Variants in CSMD3 observed in about 807,000 individuals in gnomAD.
CSMD3 encodes CUB and Sushi multiple domains 3.
Under a neutral mutation model 435.2 loss-of-function variants are expected in CSMD3, and 177 were observed. That is an observed-to-expected ratio of 0.41 (90% CI 0.36 to 0.46). The LOEUF (loss-of-function observed/expected upper bound fraction) is 0.46, where lower values mean the gene tolerates loss of function less well. CSMD3 is among the 20% of genes least tolerant of loss of function. The pLI is 0.34. For synonymous variants in CSMD3, 1,656 were observed against 1,520.5 expected (o/e 1.09, Z -2.07); for missense variants, 4,265 against 4,504.6 (o/e 0.95, Z 1.52).
intron 1 of CSMD3, among the ~76,000 whole-genome samples, chr8:113,337,089 T>C (rs2094081681): frequency 6.6e-6 from 1 of 152,154 alleles, no homozygotes; most frequent in Non-Finnish European, 1.5e-5. Context: ...CAGGCTGTTA[T>C]TGGTGCTTTT....
chr8:113,395,169 A>C (rs997756880), intron 1 of CSMD3, among the ~76,000 whole-genome samples: 4 of 152,210 alleles, frequency 2.6e-5, no homozygotes, highest in African/African-American at 9.6e-5. Context: ...TTAGCATTTT[A>C]AGAGACTAAC....
intron 3 of CSMD3, among the ~76,000 whole-genome samples, chr8:113,231,166 T>C (rs1424871180): frequency 6.6e-6 from 1 of 151,448 alleles, no homozygotes; most frequent in Non-Finnish European, 1.5e-5. Flanking sequence ...AAATTAGACT[T>C]GATCAGTATG....
At chr8:113,377,155 G>A in intron 1 of CSMD3, 3 of 1,248,186 alleles carry the variant, frequency 2.4e-6, no homozygotes, top group Non-Finnish European at 3.1e-6. Context: ...AGGGGTGTAC[G>A]CCCCGGAAAC....
intron 22 of CSMD3, among the ~76,000 whole-genome samples, chr8:112,599,693 A>G (rs1324285354): frequency 6.6e-6 from 1 of 151,656 alleles, no homozygotes; most frequent in African/African-American, 2.4e-5. Flanking sequence ...GCAGCCATAA[A>G]AAATGATGAG....
At chr8:112,875,049 C>T (rs1168711755) in intron 10 of CSMD3, among the ~76,000 whole-genome samples, 1 of 152,106 alleles carries the variant, frequency 6.6e-6, no homozygotes, top group Admixed American at 6.6e-5. Context: ...TTTGCAGTGG[C>T]TGGTACTGGT....
chr8:112,338,804 T>G (rs2130973821), intron 42 of CSMD3, among the ~76,000 whole-genome samples: 1 of 152,312 alleles, frequency 6.6e-6, no homozygotes. Flanking sequence ...GAAAGAGTTC[T>G]TATTCCAACT....
chr8:112,978,000 G>A (rs893741096), intron 6 of CSMD3, among the ~76,000 whole-genome samples: 1 of 151,964 alleles, frequency 6.6e-6, no homozygotes, highest in South Asian at 2.1e-4. Context: ...CATACATCAT[G>A]ATGAGCTCAT....
chr8:112,802,808 C>A (rs1228905041), intron 12 of CSMD3, among the ~76,000 whole-genome samples: 2 of 151,566 alleles, frequency 1.3e-5, no homozygotes, highest in African/African-American at 2.4e-5. Flanking sequence ...ATAGACCACT[C>A]TCTCCAAACT....
chr8:112,373,020 ATATT>A (rs1176563407), intron 38 of CSMD3, among the ~76,000 whole-genome samples: 6 of 108,390 alleles, frequency 5.5e-5, no homozygotes, highest in Non-Finnish European at 4.0e-5. Flanking sequence ...ATATATATAT[ATATT>A]TTTTTTCTCA....
rs1413607735 is a variant in CSMD3 at position 113,385,757 on chromosome 8, G to A, written c.178+50920C>T. Among the ~76,000 whole-genome samples, 3 of 152,176 alleles carry A rather than the reference G, an allele frequency of 2.0e-5. No homozygotes were observed. In the East Asian group the frequency reaches 5.8e-4, roughly 29 times the overall value. ...AGATAAAATACCCAAGGTGGTACTT[G>A]AGAAGCAATAATATTTAAAGTTTAT... On this transcript the variant is annotated intron_variant, in intron 1 of 70. Transcript: ENST00000297405.
intron 57 of CSMD3, 100 bp from the exon 58 acceptor site, chr8:112,287,346 G>T: frequency 9.4e-7 from 1 of 1,061,850 alleles, no homozygotes. Flanking sequence ...TTGTGCATGC[G>T]GTGTTTTAGC....
intron 4 of CSMD3, among the ~76,000 whole-genome samples, chr8:113,117,685 T>G (rs1293539710): frequency 2.0e-5 from 3 of 152,028 alleles, no homozygotes; most frequent in Non-Finnish European, 4.4e-5. Flanking sequence ...CCAGGAGAGG[T>G]GTTGTACACT....
chr8:113,055,257 T>C (rs1285411911), intron 5 of CSMD3, among the ~76,000 whole-genome samples: 1 of 152,122 alleles, frequency 6.6e-6, no homozygotes, highest in African/African-American at 2.4e-5. Context: ...TTCAAGCAAT[T>C]CTCTTCCTCA....
intron 4 of CSMD3, among the ~76,000 whole-genome samples, chr8:113,148,064 G>T (rs2091720254): frequency 6.6e-6 from 1 of 151,666 alleles, no homozygotes; most frequent in South Asian, 2.1e-4. Context: ...GTTACCCATT[G>T]CTCTTAGGAT....
chr8:112,791,319 G>GGAAAAAAAA lies in CSMD3; in HGVS notation c.1972+8842_1972+8843insTTTTTTTTC, dbSNP rs56289713. ...CCTGGGTGACAGAGGCATATCCTGT[G>GGAAAAAAAA]AAAAAAAAAAAAAAAAAAAAAGGAA... On this transcript the variant is annotated intron_variant, in intron 13 of 70. Transcript: ENST00000297405. Among the ~76,000 whole-genome samples the GGAAAAAAAA allele has an allele frequency of 1.6e-4, 17 of 103,180 alleles. 3 individuals carry two copies. The highest frequency in any genetic ancestry group is 2.7e-4 in the African/African-American group (7 of 25,788). 67.7% of individuals were successfully genotyped at this position (103,180 alleles called of 152,430 possible).
intron 34 of CSMD3, 52 bp from the exon 35 acceptor site, chr8:112,406,779 A>G (rs1267929367): frequency 8.5e-7 from 1 of 1,176,478 alleles, no homozygotes; most frequent in South Asian, 1.6e-5. Context: ...ACAAATACAG[A>G]TTTCAAAATG....
At chr8:113,391,411 T>A (rs936929364) in intron 1 of CSMD3, among the ~76,000 whole-genome samples, 2 of 152,040 alleles carry the variant, frequency 1.3e-5, no homozygotes, top group Admixed American at 6.6e-5. Context: ...ATAATTAGTT[T>A]GTATATGAGA....
At chr8:112,458,999 TACAA>T (rs1817150324) in intron 32 of CSMD3, among the ~76,000 whole-genome samples, 1 of 152,010 alleles carries the variant, frequency 6.6e-6, no homozygotes, top group African/African-American at 2.4e-5. Flanking sequence ...TACTATCTTC[TACAA>T]ACAATGAATG....
At chr8:112,571,002 T>C (rs1829465817) in intron 24 of CSMD3, among the ~76,000 whole-genome samples, 1 of 152,134 alleles carries the variant, frequency 6.6e-6, no homozygotes, top group South Asian at 2.1e-4. Context: ...TATTAATTTT[T>C]ATTTTATTTT....
Sources: gnomAD v4.1 joint callset for allele counts (sites outside exome capture counted in the v4.1 genomes callset) on GRCh38, gnomAD v4.1.1 for gene constraint, MANE v1.5 for transcripts, NCBI Gene and HGNC (gene_info 2026-07-23, HGNC 2026-07-21) for gene names.